Variants in SLC24A3 observed in about 807,000 individuals in gnomAD.
The protein encoded by SLC24A3 is sodium/potassium/calcium exchanger 3.
In SLC24A3, 28 loss-of-function variants were observed where a neutral mutation model predicts 75.8. That is an observed-to-expected ratio of 0.37 (90% CI 0.27 to 0.51). The LOEUF is 0.51. SLC24A3 is among the 20% of genes least tolerant of loss of function. The pLI, the probability that SLC24A3 is intolerant of heterozygous loss-of-function variation, is 0.94. For missense variants in SLC24A3, 663 were observed against 847.8 expected (o/e 0.78, Z 2.71); for synonymous variants, 372 against 334.1 (o/e 1.11, Z -1.24).
intron 3 of SLC24A3, among the ~76,000 whole-genome samples, chr20:19,520,213 G>T (rs2030073430): frequency 1.3e-5 from 2 of 152,186 alleles, no homozygotes; most frequent in Admixed American, 1.3e-4. Flanking sequence ...CAATAGATGT[G>T]CTGGGAAAAG....
At chr20:19,515,424 C>T (rs2029966750) in intron 2 of SLC24A3, 64 bp from the exon 3 acceptor site, 2 of 1,505,486 alleles carry the variant, frequency 1.3e-6, no homozygotes, top group Middle Eastern at 1.7e-4. Context: ...CCAAGACTCC[C>T]AGACCTACAG....
At chr20:19,389,123 C>A (rs1230554220) in intron 2 of SLC24A3, among the ~76,000 whole-genome samples, 1 of 152,058 alleles carries the variant, frequency 6.6e-6, no homozygotes, top group East Asian at 1.9e-4. Context: ...ATTTTAACTT[C>A]TCTTCCCCCC....
chr20:19,322,582 G>C (rs1020516855), intron 2 of SLC24A3, among the ~76,000 whole-genome samples: 10 of 152,156 alleles, frequency 6.6e-5, no homozygotes, highest in Admixed American at 6.5e-4. Flanking sequence ...GACTTTCAAA[G>C]GCTTGGGATT....
chr20:19,507,099 C>A (rs2122548672), intron 2 of SLC24A3, among the ~76,000 whole-genome samples: 1 of 152,306 alleles, frequency 6.6e-6, no homozygotes, highest in African/African-American at 2.4e-5. Flanking sequence ...TATGTACTTT[C>A]ACACAGATTC....
chr20:19,291,896 G>T (rs893185423), intron 2 of SLC24A3, among the ~76,000 whole-genome samples: 1 of 152,260 alleles, frequency 6.6e-6, no homozygotes, highest in Non-Finnish European at 1.5e-5. Flanking sequence ...TGGGTCCAAA[G>T]AGCAGGCTGG....
At position 19,580,053 on chromosome 20, in the gene SLC24A3, T is replaced by C; in HGVS notation, c.402T>C (p.Pro134=). 6.2e-7 allele frequency: 1 copy of C among 1,613,910 alleles called. No individual in the cohort carries two copies. Among genetic ancestry groups the C allele is most frequent in the African/African-American group, 1.3e-5 (1 of 75,022 alleles). The change falls in exon 4 of 17, where the codon CCT becomes CCC. Residue 134 remains proline (P), a synonymous_variant. Transcript: ENST00000328041. The part of the protein sequence containing the change: ...LAIVCDDFFV[P]SLEKICERLH... ...TTGTGTGTGATGACTTCTTCGTCCC[T>C]TCCTTGGAAAAGATCTGTGAGGTAC...
At chr20:19,643,375 G>A (rs555111125) in intron 6 of SLC24A3, among the ~76,000 whole-genome samples, 3 of 152,246 alleles carry the variant, frequency 2.0e-5, no homozygotes, top group East Asian at 1.9e-4. Context: ...ATTCTTCTTC[G>A]TTGTTAATTG....
At chr20:19,554,663 C>G (rs2030754883) in intron 3 of SLC24A3, among the ~76,000 whole-genome samples, 2 of 152,194 alleles carry the variant, frequency 1.3e-5, no homozygotes, top group Non-Finnish European at 2.9e-5. Context: ...AGCAGAAGGT[C>G]CTCAAAGAGT....
At chr20:19,576,155 G>A (rs1479789585) in intron 3 of SLC24A3, among the ~76,000 whole-genome samples, 1 of 152,076 alleles carries the variant, frequency 6.6e-6, no homozygotes, top group Non-Finnish European at 1.5e-5. Flanking sequence ...CCTGGAGCAT[G>A]CCTGGAATTC....
At chr20:19,366,139 T>C (rs1023792232) in intron 2 of SLC24A3, among the ~76,000 whole-genome samples, 6 of 150,434 alleles carry the variant, frequency 4.0e-5, no homozygotes, top group Non-Finnish European at 7.4e-5. Flanking sequence ...ACAAGGTTTT[T>C]GGTGGTGGTG....
intron 2 of SLC24A3, among the ~76,000 whole-genome samples, chr20:19,397,117 A>G (rs1489196915): frequency 6.6e-6 from 1 of 152,274 alleles, no homozygotes; most frequent in Admixed American, 6.5e-5. Context: ...TTTCAACCCC[A>G]CTCAATAGAA....
chr20:19,673,478 C>T, intron 8 of SLC24A3, 123 bp from the exon 9 acceptor site: 1 of 777,470 alleles, frequency 1.3e-6, no homozygotes, highest in Non-Finnish European at 2.3e-6. Flanking sequence ...TATCCGTCAC[C>T]TAGCACCGTC....
At chr20:19,592,326 C>T (rs2122645176) in intron 6 of SLC24A3, among the ~76,000 whole-genome samples, 1 of 152,194 alleles carries the variant, frequency 6.6e-6, no homozygotes, top group Middle Eastern at 3.4e-3. Context: ...TTATATTGTC[C>T]AGGCAGTCTC....
At chr20:19,314,731 T>C (rs886157213) in intron 2 of SLC24A3, among the ~76,000 whole-genome samples, 18 of 152,224 alleles carry the variant, frequency 1.2e-4, no homozygotes, top group Non-Finnish European at 2.9e-5. Flanking sequence ...ACTCCTGCCA[T>C]GCCAGCACGC....
chr20:19,222,821 C>CTTCCTTCCTTCCTTCCTTCG (rs1981764022), intron 1 of SLC24A3, among the ~76,000 whole-genome samples: 2 of 145,124 alleles, frequency 1.4e-5, no homozygotes, highest in South Asian at 2.2e-4. Flanking sequence ...TCCTTCGTTC[C>CTTCCTTCCTTCCTTCCTTCG]TTCCTTCCTT....
At chr20:19,717,423 G>A (rs548458266) in intron 15 of SLC24A3, 105 bp from the exon 16 acceptor site, 1 of 1,052,210 alleles carries the variant, frequency 9.5e-7, no homozygotes, top group African/African-American at 1.6e-5. Context: ...GGGAGATGTG[G>A]AATCACTGCT....
chr20:19,322,036 C>A (rs559662310), intron 2 of SLC24A3, among the ~76,000 whole-genome samples: 2 of 152,228 alleles, frequency 1.3e-5, no homozygotes, highest in East Asian at 3.9e-4. Context: ...ATCAGGGGTG[C>A]GGTGCCCTTC....
intron 2 of SLC24A3, among the ~76,000 whole-genome samples, chr20:19,332,376 C>T (rs1268076691): frequency 6.6e-6 from 1 of 152,126 alleles, no homozygotes; most frequent in African/African-American, 2.4e-5. Context: ...CCTCGCCAGC[C>T]CTCACCCTCA....
rs114169452 is a variant in SLC24A3, at chr20:19,299,492, A to T, written c.271+18405A>T. Among the ~76,000 whole-genome samples the T allele has an allele frequency of 2.1e-3, 325 of 152,314 alleles. 1 individual carries two copies. Among genetic ancestry groups the T allele is most frequent in the African/African-American group, 7.3e-3 (303 of 41,562 alleles). On this transcript the variant is annotated intron_variant, in intron 2 of 16. Coordinates refer to ENST00000328041, the MANE Select transcript of SLC24A3 (RefSeq NM_020689.4). Reference sequence around the variant, plus strand: ...AGCTCAAAACAGGTCAAATTTTTTTAAAAAAGAGAGCCAATAAGAAAATTT... The same window carrying T: ...AGCTCAAAACAGGTCAAATTTTTTTTAAAAAGAGAGCCAATAAGAAAATTT...
Sources: allele counts gnomAD v4.1 joint callset (sites outside exome capture counted in the v4.1 genomes callset), GRCh38; gene constraint gnomAD v4.1.1; transcripts MANE v1.5; gene names NCBI Gene and HGNC (gene_info 2026-07-23, HGNC 2026-07-21).